Variants in ETFB observed in about 807,000 individuals in gnomAD.
ETFB encodes the protein beta-ETF.
ETFB carries 20 observed loss-of-function variants against 25.6 expected under a neutral mutation model. The ratio of observed to expected loss-of-function variants is 0.78; its 90% CI spans 0.55 to 1.14. ETFB has a LOEUF of 1.14. Among genes scored for constraint, ETFB ranks in the 50% most tolerant of loss-of-function variants. The pLI, the probability that ETFB is intolerant of heterozygous loss-of-function variation, is 0.00. For missense variants in ETFB, 286 were observed against 342.6 expected (o/e 0.83, Z 1.30); for synonymous variants, 142 against 146.7 (o/e 0.97, Z 0.23).
At chr19:51,347,342 G>T in intron 4 of ETFB, 1 of 447,252 alleles carries the variant, frequency 2.2e-6, no homozygotes, top group Non-Finnish European at 4.1e-6. Context: ...GCTGAGCCCT[G>T]TGCTAAGCAA....
At chr19:51,362,440 T>C (rs1047252094) in intron 1 of ETFB, among the ~76,000 whole-genome samples, 3 of 149,988 alleles carry the variant, frequency 2.0e-5, no homozygotes, top group Non-Finnish European at 3.0e-5. Flanking sequence ...TAGCCAGGCG[T>C]GGTGGCTCAC....
At position 51,349,892 on chromosome 19, in the gene ETFB, G is replaced by A. The variant is rs191092736; in HGVS notation, c.438+437C>T. Among the ~76,000 whole-genome samples the A allele has an allele frequency of 1.9e-3, 285 of 151,678 alleles. 1 individual carries two copies. Among genetic ancestry groups the A allele is most frequent in the Admixed American group, 1.3e-3 (20 of 15,244 alleles). The stretch of plus-strand genomic sequence containing the variant: ...CCCCTGAGTAGCTGAGACTACAGGC[G>A]CACGCCACCACACCCAGCTAATTTT... On this transcript the variant is annotated intron_variant, in intron 4 of 5. Coordinates refer to ENST00000309244, the MANE Select transcript of ETFB (RefSeq NM_001985.3).
chr19:51,366,159 A>T, intron 1 of ETFB, 111 bp downstream of exon 1: 3 of 1,091,606 alleles, frequency 2.7e-6, no homozygotes, highest in South Asian at 2.5e-5. Context: ...TTTGGGGGTT[A>T]AAGCGGCAGA....
intron 5 of ETFB, 104 bp from the exon 6 acceptor site, chr19:51,345,485 G>GA (rs1180832835): frequency 4.3e-6 from 5 of 1,163,406 alleles, no homozygotes; most frequent in South Asian, 1.3e-5. Context: ...CCCATGGGCT[G>GA]AACCCTCTGG....
intron 4 of ETFB, 109 bp from the exon 5 acceptor site, chr19:51,347,167 G>T: frequency 8.8e-7 from 1 of 1,132,176 alleles, no homozygotes; most frequent in South Asian, 1.3e-5. Flanking sequence ...GAATGAATGA[G>T]GGAGCGAACA....
At chr19:51,350,272 T>C in intron 4 of ETFB, 57 bp downstream of exon 4, 1 of 1,573,664 alleles carries the variant, frequency 6.4e-7, no homozygotes, top group Non-Finnish European at 8.6e-7. Flanking sequence ...GAGGCAGAAA[T>C]GAAGTTTGAG....
rs1308953839 is a variant in ETFB, at chr19:51,350,312, C to G, written c.438+17G>C. The G allele has an allele frequency of 6.2e-7, 1 of 1,607,886 alleles. No individual in the cohort carries two copies. The highest frequency in any genetic ancestry group is 2.2e-5 in the East Asian group (1 of 44,790). The stretch of plus-strand genomic sequence containing the variant: ...GAGGGCCTGGCCCTCAGCAGGTGCT[C>G]CCCACTCCAGTCTCACCTGTGGCCA... On this transcript the variant is annotated intron_variant, in intron 4 of 5. Transcript: ENST00000309244.
chr19:51,354,684 A>C, intron 1 of ETFB: 1 of 1,602,856 alleles, frequency 6.2e-7, no homozygotes, highest in Non-Finnish European at 8.5e-7. Context: ...ACACTGATAC[A>C]TAAATACAAA....
intron 4 of ETFB, among the ~76,000 whole-genome samples, chr19:51,348,699 AAAACAAAC>A (rs3077094): frequency 0.038 from 5,753 of 151,514 alleles, 295 homozygotes; most frequent in African/African-American, 0.12. Context: ...AAAAAAAACA[AAAACAAAC>A]AAACAAACAA....
chr19:51,354,764 G>GA, intron 1 of ETFB: 1 of 1,096,152 alleles, frequency 9.1e-7, no homozygotes, highest in Non-Finnish European at 1.3e-6. Flanking sequence ...CAGCCTGCCT[G>GA]AAAAATCACA....
chr19:51,361,697 G>GTTTTTTTTTT (rs67282065), intron 1 of ETFB: 5 of 95,424 alleles, frequency 5.2e-5, no homozygotes, highest in East Asian at 2.6e-4. Context: ...CCTCTCCTGG[G>GTTTTTTTTTT]TTTTTTTTTT....
At chr19:51,351,413 T>C (rs920802517) in intron 3 of ETFB, among the ~76,000 whole-genome samples, 3 of 152,228 alleles carry the variant, frequency 2.0e-5, no homozygotes, top group Admixed American at 6.5e-5. Flanking sequence ...ATAAATTCGC[T>C]TTCTGGCTTA....
chr19:51,357,771 G>A (rs894419849), intron 1 of ETFB, among the ~76,000 whole-genome samples: 4 of 152,122 alleles, frequency 2.6e-5, no homozygotes, highest in Admixed American at 6.5e-5. Context: ...GATTACAGGC[G>A]TGAGCCACCG....
chr19:51,360,766 T>TTC (rs34680105), intron 1 of ETFB, among the ~76,000 whole-genome samples: 3,539 of 150,198 alleles, frequency 0.024, 102 homozygotes, highest in African/African-American at 0.064. Context: ...CTTTCTCTCT[T>TTC]TCTCTCTCTC....
rs559497606 is a variant in ETFB, at chr19:51,359,849, A to C, written c.58-5541T>G. Among the ~76,000 whole-genome samples the C allele has an allele frequency of 3.9e-5, 6 of 151,972 alleles. 1 individual carries two copies. In the South Asian group the frequency reaches 1.2e-3, roughly 32 times the overall value. ...AGCCTGGGCAACATAGAGAGACTTC[A>C]TCTCTACCAAAAAACAAAATTAGCA... On this transcript the variant is annotated intron_variant, in intron 1 of 5. Coordinates refer to ENST00000309244, the MANE Select transcript of ETFB (RefSeq NM_001985.3).
Position 51,345,567 on chromosome 19 carries a change from AGGAGGCCCTG to A in ETFB, c.598-196_598-187del, listed in dbSNP as rs372285755. On this transcript the variant is annotated intron_variant, in intron 5 of 5. Coordinates refer to ENST00000309244, the MANE Select transcript of ETFB (RefSeq NM_001985.3). ...CTGGTGTGGACAACTCCTGCTGGCTAGGAGGCCCTGGGAGGCCCAACTACTGCAGCAGTCC... is the reference window on the plus strand; with the variant it reads ...CTGGTGTGGACAACTCCTGCTGGCTAGGAGGCCCAACTACTGCAGCAGTCC... 20 of 647,242 alleles carry A rather than the reference AGGAGGCCCTG, an allele frequency of 3.1e-5. No individual in the cohort carries two copies. In the East Asian group the frequency reaches 5.2e-4, roughly 17 times the overall value. 40.1% of individuals were successfully genotyped at this position (647,242 alleles called of 1,614,324 possible).
intron 5 of ETFB, chr19:51,346,540 TAACTTCAC>T (rs1426905555): frequency 1.5e-5 from 4 of 268,934 alleles, no homozygotes; most frequent in African/African-American, 8.8e-5. Flanking sequence ...ATCTACATGG[TAACTTCAC>T]ATTGGCAAAA....
At chr19:51,350,596 T>C (rs1985912022) in intron 3 of ETFB, among the ~76,000 whole-genome samples, 1 of 152,192 alleles carries the variant, frequency 6.6e-6, no homozygotes. Flanking sequence ...GCAATTCTCC[T>C]GCCTCAGCCT....
At chr19:51,348,696 AC>A (rs1307494016) in intron 4 of ETFB, among the ~76,000 whole-genome samples, 2 of 38,772 alleles carry the variant, frequency 5.2e-5, no homozygotes, top group African/African-American at 2.1e-4. Flanking sequence ...TAAAAAAAAA[AC>A]AAAAACAAAC....
Sources: gnomAD v4.1 joint callset for allele counts (sites outside exome capture counted in the v4.1 genomes callset) on GRCh38, gnomAD v4.1.1 for gene constraint, MANE v1.5 for transcripts, NCBI Gene and HGNC (gene_info 2026-07-23, HGNC 2026-07-21) for gene names.